The following XPNPEP3 variants were observed in gnomAD, a reference collection of about 807,000 sequenced individuals.
XPNPEP3 encodes the protein xaa-Pro aminopeptidase 3.
XPNPEP3 carries 41 observed loss-of-function variants against 60.0 expected under a neutral mutation model. That is an observed-to-expected ratio of 0.68 (90% confidence interval 0.53 to 0.89). XPNPEP3 has a LOEUF of 0.89. Among genes scored for constraint, XPNPEP3 ranks in the 40% least tolerant of loss-of-function variants. The probability of loss-of-function intolerance (pLI) is 0.00; values close to 1 mark genes in which losing one functional copy is unlikely to be tolerated. For missense variants in XPNPEP3, 598 were observed against 638.9 expected, an observed-to-expected ratio of 0.94 and a Z score of 0.69; for synonymous variants, 212 against 223.2, an observed-to-expected ratio of 0.95 and a Z score of 0.45.
At chr22:40,863,678 C>T (rs1427391645) in intron 1 of XPNPEP3, among the ~76,000 whole-genome samples, 2 of 152,158 alleles carry the variant, frequency 1.3e-5, no homozygotes, top group Non-Finnish European at 2.9e-5. Context: ...GAAATAATAA[C>T]CAATAATGTC....
chr22:40,917,131 C>T (rs1161068935), intron 7 of XPNPEP3: 1 of 152,224 alleles, frequency 6.6e-6, no homozygotes, highest in Non-Finnish European at 1.5e-5. Flanking sequence ...GTGGCATGCA[C>T]CTATAGTCTC....
chr22:40,905,226 C>T (rs1275855057), intron 4 of XPNPEP3, among the ~76,000 whole-genome samples: 2 of 151,870 alleles, frequency 1.3e-5, no homozygotes, highest in Non-Finnish European at 2.9e-5. Flanking sequence ...ACCACAGGCG[C>T]GTACCACCAC....
chr22:40,891,478 C>T (rs1164386973), intron 4 of XPNPEP3, among the ~76,000 whole-genome samples: 1 of 150,278 alleles, frequency 6.7e-6, no homozygotes, highest in Non-Finnish European at 1.5e-5. Context: ...TATGGTGAAA[C>T]CCCGTCTCTA....
chr22:40,923,105 T>G (rs2058222845), intron 8 of XPNPEP3, among the ~76,000 whole-genome samples: 1 of 151,744 alleles, frequency 6.6e-6, no homozygotes, highest in Admixed American at 6.6e-5. Flanking sequence ...CTCAGCTACT[T>G]GGGAGGTTGA....
intron 6 of XPNPEP3, among the ~76,000 whole-genome samples, chr22:40,913,759 A>G (rs941904844): frequency 2.0e-5 from 3 of 152,178 alleles, no homozygotes; most frequent in African/African-American, 7.2e-5. Context: ...TTGTTTTCAC[A>G]TGCCCCCTGT....
At chr22:40,904,169 C>G (rs2058145625) in intron 4 of XPNPEP3, among the ~76,000 whole-genome samples, 1 of 152,092 alleles carries the variant, frequency 6.6e-6, no homozygotes, top group East Asian at 1.9e-4. Context: ...TAAAGTCTAA[C>G]TCTTGATCTT....
chr22:40,901,647 G>GT (rs1488739464), intron 4 of XPNPEP3, among the ~76,000 whole-genome samples: 1 of 151,618 alleles, frequency 6.6e-6, no homozygotes, highest in East Asian at 2.0e-4. Context: ...GCTAATTTTT[G>GT]TATTTTTTGT....
intron 2 of XPNPEP3, among the ~76,000 whole-genome samples, chr22:40,875,850 T>TA (rs768463487): frequency 0.037 from 4,477 of 119,482 alleles, 92 homozygotes; most frequent in Non-Finnish European, 0.057. Flanking sequence ...CCACCTCTAC[T>TA]AAAAAAAAAA....
At chr22:40,884,693 A>G in intron 3 of XPNPEP3, among the ~76,000 whole-genome samples, 1 of 151,898 alleles carries the variant, frequency 6.6e-6, no homozygotes, top group South Asian at 2.1e-4. Flanking sequence ...GATTTCATAC[A>G]CTTTGAACGT....
intron 3 of XPNPEP3, 64 bp from the exon 4 acceptor site, chr22:40,886,249 C>T: frequency 1.3e-6 from 2 of 1,522,126 alleles, no homozygotes; most frequent in Non-Finnish European, 1.8e-6. Context: ...GTCGTTATGA[C>T]AGTTGATATT....
At chr22:40,922,757 C>T (rs1012591884) in intron 8 of XPNPEP3, among the ~76,000 whole-genome samples, 12 of 151,328 alleles carry the variant, frequency 7.9e-5, no homozygotes, top group Admixed American at 5.9e-4. Context: ...TATATATATA[C>T]ACACACATAC....
chr22:40,857,187 T>G lies in XPNPEP3; in HGVS notation c.6T>G (p.Pro2=). The G allele has an allele frequency of 1.2e-6, 2 of 1,614,204 alleles. No individual in the cohort carries two copies. The highest frequency in any genetic ancestry group is 1.7e-6 in the Non-Finnish European group (2 of 1,180,030). M[P]WLLSAPKLVP... The stretch of plus-strand genomic sequence containing the variant: ...GACGCGTGAGTTAGGCCGTAATGCC[T>G]TGGCTGCTCTCAGCCCCCAAGCTGG... Residue 2 remains proline (P), a synonymous_variant, in exon 1 of 10, where the codon CCT becomes CCG. Transcript: ENST00000357137.
At chr22:40,896,141 G>A (rs1325620716) in intron 4 of XPNPEP3, among the ~76,000 whole-genome samples, 1 of 152,090 alleles carries the variant, frequency 6.6e-6, no homozygotes, top group African/African-American at 2.4e-5. Flanking sequence ...TTAATGACAG[G>A]CAGTTGTGGA....
intron 4 of XPNPEP3, among the ~76,000 whole-genome samples, chr22:40,901,661 G>A (rs2058133722): frequency 6.6e-6 from 1 of 152,050 alleles, no homozygotes; most frequent in Non-Finnish European, 1.5e-5. Flanking sequence ...TTTTTGTGAA[G>A]ACTGGGTTTC....
intron 4 of XPNPEP3, among the ~76,000 whole-genome samples, chr22:40,900,974 A>G (rs1039692743): frequency 6.6e-6 from 1 of 150,724 alleles, no homozygotes; most frequent in Admixed American, 6.6e-5. Context: ...AACAAAGGGA[A>G]TGGGTGTGGT....
At chr22:40,879,886 G>C (rs1028312142) in intron 2 of XPNPEP3, among the ~76,000 whole-genome samples, 1 of 151,396 alleles carries the variant, frequency 6.6e-6, no homozygotes, top group Non-Finnish European at 1.5e-5. Flanking sequence ...AAATAGTCAG[G>C]CCTGGTGGCT....
At chr22:40,858,551 CAG>C (rs1354580373) in intron 1 of XPNPEP3, among the ~76,000 whole-genome samples, 5 of 102,992 alleles carry the variant, frequency 4.9e-5, no homozygotes, top group Non-Finnish European at 7.2e-5. Flanking sequence ...TTTTTTGAGA[CAG>C]AGTCTTGCTC....
chr22:40,875,113 C>T (rs2058022732), intron 2 of XPNPEP3, among the ~76,000 whole-genome samples: 1 of 152,144 alleles, frequency 6.6e-6, no homozygotes, highest in Admixed American at 6.6e-5. Flanking sequence ...TGAAGCCCAC[C>T]TGTTTTATAA....
intron 7 of XPNPEP3, among the ~76,000 whole-genome samples, chr22:40,919,797 T>C (rs1212102994): frequency 1.3e-5 from 2 of 152,160 alleles, no homozygotes; most frequent in South Asian, 4.1e-4. Context: ...ATATGCAAAT[T>C]GTGGTCTGTT....
Sources: gnomAD v4.1 joint callset for allele counts (sites outside exome capture counted in the v4.1 genomes callset) on GRCh38, gnomAD v4.1.1 for gene constraint, MANE v1.5 for transcripts, NCBI Gene and HGNC (gene_info 2026-07-23, HGNC 2026-07-21) for gene names.